The following MYLK2 variants were observed in gnomAD, a reference collection of about 807,000 sequenced individuals.
The protein encoded by MYLK2 is myosin light chain kinase 2, skeletal/cardiac muscle.
A neutral mutation model predicts 58.2 loss-of-function variants in MYLK2; 27 were observed. That is an observed-to-expected ratio of 0.46 (90% CI 0.34 to 0.64). MYLK2 has a LOEUF of 0.64. Among genes scored for constraint, MYLK2 ranks in the 30% least tolerant of loss-of-function variants. MYLK2 has a pLI of 0.01. For missense variants in MYLK2, 676 were observed against 764.3 expected (o/e 0.88, Z 1.36); for synonymous variants, 310 against 296.7 (o/e 1.04, Z -0.46).
At chr20:31,819,490 G>A (rs2062240591) in intron 1 of MYLK2, 43 bp from the exon 2 acceptor site, 5 of 1,511,788 alleles carry the variant, frequency 3.3e-6, no homozygotes. Flanking sequence ...CAGACGAGAG[G>A]GGAAATTGGA....
Position 31,821,517 on chromosome 20 carries a change from C to A in MYLK2, c.552C>A (p.Ser184Arg), listed in dbSNP as rs786205284. Reference protein sequence around the residue: ...LTFEGVPMTHSPTDPRPAKAE... With the variant: ...LTFEGVPMTHRPTDPRPAKAE... Reference sequence around the variant, plus strand: ...TTGAAGGGGTGCCCATGACCCACAGCCCCACGGATCCCAGGCCAGCCAAGG... The same window carrying A: ...TTGAAGGGGTGCCCATGACCCACAGACCCACGGATCCCAGGCCAGCCAAGG... The change falls in exon 4 of 13, where the codon AGC becomes AGA. Residue 184 changes from serine to arginine, a missense_variant. By Grantham distance (110) the Ser-to-Arg change is moderately radical. Around this residue, in one of 2 missense-constraint regions of MYLK2, gnomAD observed 306 missense variants for 296.5 expected, o/e 1.03. Coordinates refer to ENST00000375985, the MANE Select transcript of MYLK2 (RefSeq NM_033118.4). 6.2e-7 allele frequency: 1 copy of A among 1,614,048 alleles called. No individual in the cohort carries two copies. The highest frequency in any genetic ancestry group is 8.5e-7 in the Non-Finnish European group (1 of 1,180,046).
chr20:31,823,065 G>T (rs1476317497), intron 4 of MYLK2, among the ~76,000 whole-genome samples: 1 of 152,218 alleles, frequency 6.6e-6, no homozygotes, highest in African/African-American at 2.4e-5. Context: ...GTGTTATTAG[G>T]ATGGAGGGTG....
intron 8 of MYLK2, chr20:31,827,308 A>G: frequency 1.0e-6 from 1 of 985,334 alleles, no homozygotes; most frequent in Non-Finnish European, 1.2e-6. Context: ...CATGATAGGT[A>G]CTAGGAGTGT....
chr20:31,819,459 G>A (rs1001140463), intron 1 of MYLK2, 31 bp downstream of exon 1: 43 of 1,352,828 alleles, frequency 3.2e-5, no homozygotes, highest in Non-Finnish European at 4.0e-5. Flanking sequence ...AGCAGGCCTC[G>A]GCTTCCTGTC....
chr20:31,832,287 C>A, intron 12 of MYLK2, 151 bp downstream of exon 12: 1 of 1,160,688 alleles, frequency 8.6e-7, no homozygotes, highest in Non-Finnish European at 1.2e-6. Flanking sequence ...CTGTTTTTGC[C>A]CTGGGCTGGC....
intron 6 of MYLK2, among the ~76,000 whole-genome samples, chr20:31,825,065 G>A (rs910960941): frequency 6.6e-6 from 1 of 152,186 alleles, no homozygotes; most frequent in African/African-American, 2.4e-5. Flanking sequence ...GGGAGGAAAG[G>A]CTCGAGGGCC....
At position 31,820,354 on chromosome 20, in the gene MYLK2, C is replaced by T. The variant is rs201134349; in HGVS notation, c.281C>T (p.Pro94Leu). ...CCCGCGGAGGGCAGTGCTGGGCCCCCGGCAGCCCTGCCCCAGCAGACTGCG... is the reference window on the plus strand; with the variant it reads ...CCCGCGGAGGGCAGTGCTGGGCCCCTGGCAGCCCTGCCCCAGCAGACTGCG... ...GGPAEGSAGPPAALPQQTATP... is the reference protein window; with the variant it reads ...GGPAEGSAGPLAALPQQTATP... Residue 94 changes from proline (P) to leucine (L), a missense_variant, in exon 3 of 13, where the codon CCG becomes CTG. Around this residue, in one of 2 missense-constraint regions of MYLK2, gnomAD observed 306 missense variants for 296.5 expected, o/e 1.03. Transcript: ENST00000375985. 8.4e-5 allele frequency: 135 copies of T among 1,612,720 alleles called. No homozygotes were observed. In the East Asian group the frequency reaches 2.6e-3, roughly 31 times the overall value.
chr20:31,829,796 C>T (rs1436457367), intron 8 of MYLK2, among the ~76,000 whole-genome samples: 1 of 152,124 alleles, frequency 6.6e-6, no homozygotes, highest in Non-Finnish European at 1.5e-5. Flanking sequence ...ATGTTTATAC[C>T]CTGCAACCTC....
At chr20:31,823,350 TC>T in intron 4 of MYLK2, 126 bp from the exon 5 acceptor site, 1 of 788,692 alleles carries the variant, frequency 1.3e-6, no homozygotes, top group Non-Finnish European at 2.1e-6. Context: ...GAGCCAGGTG[TC>T]CCCCAGGTAT....
At chr20:31,822,402 C>G (rs764636584) in intron 4 of MYLK2, among the ~76,000 whole-genome samples, 1 of 152,120 alleles carries the variant, frequency 6.6e-6, no homozygotes. Flanking sequence ...AGGGCTCATG[C>G]GCTGAGGAGC....
In MYLK2 at chr20:31,821,644, G is replaced by A. The variant is rs1247175460; in HGVS notation, c.679G>A (p.Gly227Arg). 6.2e-7 allele frequency: 1 copy of A among 1,614,064 alleles called. No individual in the cohort carries two copies. Among genetic ancestry groups the A allele is most frequent in the Non-Finnish European group, 8.5e-7 (1 of 1,180,036 alleles). The change falls in exon 4 of 13, where the codon GGG becomes AGG. Residue 227 changes from glycine (G) to arginine (R), a missense_variant. By Grantham distance (125) the Gly-to-Arg change is moderately radical (BLOSUM62 -2). Transcript: ENST00000375985. ...TAAGATGCAAGGGGACACCTCGAGG[G>A]GGATTGAGTTCCAGGCTGTTCCCTC... ...QAKMQGDTSR[G>R]IEFQAVPSEK...
In MYLK2 at chr20:31,823,057, GTTA is replaced by G. The variant is rs558006952; in HGVS notation, c.773-416_773-414del. Among the ~76,000 whole-genome samples the G allele has an allele frequency of 4.6e-5, 7 of 152,358 alleles. No individual in the cohort carries two copies. The East Asian group carries it at 1.4e-3, about 29-fold the overall frequency. ...ATGGGTGGTCTGGCCAGATTGCGGT[GTTA>G]TTAGGATGGAGGGTGGGCAGGTCCC... On this transcript the variant is annotated intron_variant, in intron 4 of 12. Coordinates refer to ENST00000375985, the MANE Select transcript of MYLK2 (RefSeq NM_033118.4).
At chr20:31,827,476 T>C (rs959583579) in intron 8 of MYLK2, 1 of 985,424 alleles carries the variant, frequency 1.0e-6, no homozygotes, top group African/African-American at 1.7e-5. Flanking sequence ...GCAATGTGCA[T>C]GAGGTAGGCG....
intron 12 of MYLK2, 111 bp from the exon 13 acceptor site, chr20:31,833,604 TTC>T: frequency 2.1e-6 from 2 of 974,646 alleles, no homozygotes; most frequent in Non-Finnish European, 1.6e-6. Context: ...GCACTGCACC[TTC>T]TCTAGCCTGT....
chr20:31,821,484 G>A lies in MYLK2; in HGVS notation c.519G>A (p.Glu173=), dbSNP rs560186994. Residue 173 remains glutamate, a synonymous_variant, in exon 4 of 13, where the codon GAG becomes GAA. Transcript: ENST00000375985. ...LAKKPPSEAS[E]LTFEGVPMTH... ...AGAAGCCCCCAAGCGAGGCATCAGA[G>A]CTCACCTTTGAAGGGGTGCCCATGA... 37 of 1,613,938 alleles carry A rather than the reference G, an allele frequency of 2.3e-5. No homozygotes were observed. The South Asian group carries it at 3.6e-4, about 16-fold the overall frequency.
At chr20:31,826,522 C>T in intron 6 of MYLK2, 83 bp from the exon 7 acceptor site, 1 of 1,578,498 alleles carries the variant, frequency 6.3e-7, no homozygotes, top group Non-Finnish European at 8.6e-7. Flanking sequence ...GGCTAGCAGG[C>T]CTGTTCAAGG....
chr20:31,833,867 GC>G lies in MYLK2; in HGVS notation c.*72del. 7.0e-7 allele frequency: 1 copy of G among 1,438,544 alleles called. No homozygotes were observed. The highest frequency in any genetic ancestry group is 9.7e-7 in the Non-Finnish European group (1 of 1,034,442). The allele number at this position is 1,438,544 out of a possible 1,614,324, so 89.1% of individuals were successfully genotyped here. ...GGGCTGAAGCCACACAGCCCAGAAG[GC>G]CAGAAAAGGCAGCCAGATCCCCAGG... On this transcript the variant is annotated 3_prime_UTR_variant, in exon 13 of 13. Coordinates refer to ENST00000375985, the MANE Select transcript of MYLK2 (RefSeq NM_033118.4).
Position 31,824,305 on chromosome 20 carries a change from C to T in MYLK2, c.925C>T (p.Leu309Phe), listed in dbSNP as rs758869328. ...TACCTGCATGGAGAAAGCCACAGGC[C>T]TCAAGCTGGCAGCCAAGGTCATCAA... ...VCTCMEKATG[L>F]KLAAKVIKKQ... Residue 309 changes from leucine (L) to phenylalanine (F), a missense_variant, in exon 6 of 13, where the codon CTC (leucine) becomes TTC (phenylalanine). Physicochemically the swap from Leu to Phe is conservative, Grantham distance 22. Transcript: ENST00000375985. The T allele has an allele frequency of 6.2e-7, 1 of 1,613,666 alleles. No individual in the cohort carries two copies. The highest frequency in any genetic ancestry group is 8.5e-7 in the Non-Finnish European group (1 of 1,179,834).
At chr20:31,832,883 C>G (rs1431878796) in intron 12 of MYLK2, among the ~76,000 whole-genome samples, 1 of 151,992 alleles carries the variant, frequency 6.6e-6, no homozygotes, top group Non-Finnish European at 1.5e-5. Context: ...GGAGAGGTTG[C>G]ACTTTTATTT....
Sources: gnomAD v4.1 joint callset for allele counts (sites outside exome capture counted in the v4.1 genomes callset) on GRCh38, gnomAD v4.1.1 for gene constraint, gnomAD v4.1.1 regional missense constraint, MANE v1.5 for transcripts, NCBI Gene and HGNC (gene_info 2026-07-23, HGNC 2026-07-21) for gene names.